The following ANKRD12 variants were observed in gnomAD, a reference collection of about 807,000 sequenced individuals.
ANKRD12 encodes ankyrin repeat domain-containing protein 12.
ANKRD12 carries 85 observed loss-of-function variants against 183.4 expected under a neutral mutation model. The observed-to-expected ratio is 0.46, with a 90% confidence interval of 0.39 to 0.56. The LOEUF (loss-of-function observed/expected upper bound fraction) is 0.56. ANKRD12 is among the 20% of genes least tolerant of loss of function. The pLI is 0.00. For synonymous variants in ANKRD12, 914 were observed against 800.2 expected (o/e 1.14, Z -2.40); for missense variants, 2,405 against 2,357.1 (o/e 1.02, Z -0.42).
intron 8 of ANKRD12, among the ~76,000 whole-genome samples, chr18:9,222,985 A>AGATGAT (rs2036505253): frequency 6.6e-6 from 1 of 152,266 alleles, no homozygotes; most frequent in Non-Finnish European, 1.5e-5. Flanking sequence ...AGATGATTAA[A>AGATGAT]TAACTGTGGT....
intron 1 of ANKRD12, among the ~76,000 whole-genome samples, chr18:9,170,043 C>T (rs1461718221): frequency 1.3e-5 from 2 of 152,208 alleles, no homozygotes; most frequent in African/African-American, 2.4e-5. Flanking sequence ...TATTGGTCCC[C>T]ACTCTCTTCC....
intron 2 of ANKRD12, among the ~76,000 whole-genome samples, chr18:9,190,589 A>G (rs2034390621): frequency 6.6e-6 from 1 of 152,184 alleles, no homozygotes; most frequent in South Asian, 2.1e-4. Flanking sequence ...GAGAAAGTCA[A>G]TTCACATGGC....
At chr18:9,167,768 G>T (rs954832160) in intron 1 of ANKRD12, among the ~76,000 whole-genome samples, 2 of 152,206 alleles carry the variant, frequency 1.3e-5, no homozygotes, top group Non-Finnish European at 2.9e-5. Flanking sequence ...AATAGGAGTG[G>T]TGAGGGAGGG....
At position 9,263,238 on chromosome 18, in the gene ANKRD12, A is replaced by G. The variant is rs527905376; in HGVS notation, c.5665-552A>G. ...TACAATATCAAATTAGAGATGAACC[A>G]GAAGCTTTTTGGAGTATGGATAGAC... On this transcript the variant is annotated intron_variant, in intron 9 of 12. Coordinates refer to ENST00000262126, the MANE Select transcript of ANKRD12 (RefSeq NM_015208.5). Among the ~76,000 whole-genome samples the G allele has an allele frequency of 1.7e-4, 26 of 152,322 alleles. No homozygotes were observed. The South Asian group carries it at 5.4e-3, about 32-fold the overall frequency.
chr18:9,253,154 AAAACCAAGGTAATTGGTTT>A (rs1354264756), intron 8 of ANKRD12, among the ~76,000 whole-genome samples: 3 of 152,286 alleles, frequency 2.0e-5, no homozygotes, highest in South Asian at 2.1e-4. Flanking sequence ...CAATGTGTAA[AAAACCAAGGTAATTGGTTT>A]ACCTCAAGCA....
At position 9,285,660 on chromosome 18, in the gene ANKRD12, A is replaced by C. The variant is rs1285967857; in HGVS notation, c.*4534A>C. The C allele has an allele frequency of 2.0e-5, 3 of 152,136 alleles. No individual in the cohort carries two copies. 9.4% of individuals were successfully genotyped at this position (152,136 alleles called of 1,614,324 possible). A position where few individuals can be genotyped will look rare whatever the true frequency, so the allele number is the denominator to read the frequency against. On this transcript the variant is annotated 3_prime_UTR_variant, in exon 13 of 13. Coordinates refer to ENST00000262126, the MANE Select transcript of ANKRD12 (RefSeq NM_015208.5). ...ATCACCCAAATTAAGATATTGTAAA[A>C]CATTTTCATTACTCTAGAAAGTTCA...
chr18:9,277,421 T>A (rs983252383), intron 11 of ANKRD12, among the ~76,000 whole-genome samples: 1 of 148,330 alleles, frequency 6.7e-6, no homozygotes, highest in Non-Finnish European at 1.5e-5. Flanking sequence ...TCTGCCTCCC[T>A]GGTTCATGCC....
In ANKRD12 at chr18:9,186,136, G is replaced by GTTTTTTTTTTTTTTTTTTT. The variant is rs1280812557; in HGVS notation, c.87+3617_87+3618insTTTTTTTTTTTTTTTTTTT. ...CTGAATATTGCCCTCCTAAAAGTGT[G>GTTTTTTTTTTTTTTTTTTT]ATTTTTTTTTTTTTTTTTTTTTGAG... On this transcript the variant is annotated intron_variant, in intron 2 of 12. Transcript: ENST00000262126. Among the ~76,000 whole-genome samples the GTTTTTTTTTTTTTTTTTTT allele has an allele frequency of 2.0e-4, 29 of 141,932 alleles. 1 individual carries two copies. Among genetic ancestry groups the GTTTTTTTTTTTTTTTTTTT allele is most frequent in the South Asian group, 4.4e-4 (2 of 4,544 alleles). 93.1% of individuals were successfully genotyped at this position (141,932 alleles called of 152,430 possible).
At chr18:9,269,725 C>T (rs2039494002) in intron 10 of ANKRD12, among the ~76,000 whole-genome samples, 1 of 152,192 alleles carries the variant, frequency 6.6e-6, no homozygotes, top group Non-Finnish European at 1.5e-5. Flanking sequence ...GACTTCATGG[C>T]TGAAACACCA....
chr18:9,257,134 T>A lies in ANKRD12; in HGVS notation c.3867T>A (p.Ser1289=). Residue 1289 remains serine, a synonymous_variant, in exon 9 of 13, where the codon TCT becomes TCA. Coordinates refer to ENST00000262126, the MANE Select transcript of ANKRD12 (RefSeq NM_015208.5). ...NRLSTSHLRS[S]SVEDVKLIIS... The stretch of plus-strand genomic sequence containing the variant: ...TTTCAACATCCCATCTTAGGTCATC[T>A]TCTGTAGAAGATGTTAAACTAATTA... 1.9e-6 allele frequency: 3 copies of A among 1,614,182 alleles called. No individual in the cohort carries two copies. Among genetic ancestry groups the A allele is most frequent in the Non-Finnish European group, 2.5e-6 (3 of 1,180,006 alleles).
rs1411566841 is a variant in ANKRD12, at chr18:9,285,576, A to G, written c.*4450A>G. ...GTTATAGTCTGTATTCAATAAAATT[A>G]CCCAGATCTTAACTAGGCAGTTTGA... On this transcript the variant is annotated 3_prime_UTR_variant, in exon 13 of 13. Transcript: ENST00000262126. The G allele has an allele frequency of 6.6e-6, 1 of 152,168 alleles. No homozygotes were observed. Among genetic ancestry groups the G allele is most frequent in the African/African-American group, 2.4e-5 (1 of 41,444 alleles). 9.4% of individuals were successfully genotyped at this position (152,168 alleles called of 1,614,324 possible).
chr18:9,254,110 A>G, intron 8 of ANKRD12, 101 bp from the exon 9 acceptor site: 5 of 1,234,476 alleles, frequency 4.1e-6, no homozygotes, highest in Non-Finnish European at 5.2e-6. Flanking sequence ...TGTTTGAAAT[A>G]TGTATTGTAT....
At chr18:9,263,964 T>A in intron 10 of ANKRD12, 76 bp downstream of exon 10, 2 of 1,133,484 alleles carry the variant, frequency 1.8e-6, no homozygotes, top group Non-Finnish European at 2.4e-6. Context: ...CCTATAATTT[T>A]TTATTAGTGG....
chr18:9,239,968 C>T (rs921050126), intron 8 of ANKRD12, among the ~76,000 whole-genome samples: 2 of 152,154 alleles, frequency 1.3e-5, no homozygotes, highest in Non-Finnish European at 2.9e-5. Flanking sequence ...TACCAGCCCT[C>T]AAGATAAGGA....
intron 11 of ANKRD12, among the ~76,000 whole-genome samples, chr18:9,278,062 C>T (rs1478275185): frequency 6.6e-6 from 1 of 152,184 alleles, no homozygotes; most frequent in Middle Eastern, 3.2e-3. Context: ...GCATTGTGCA[C>T]ACATTACCTG....
chr18:9,171,108 C>T (rs759741371), intron 1 of ANKRD12, among the ~76,000 whole-genome samples: 2 of 152,112 alleles, frequency 1.3e-5, no homozygotes, highest in South Asian at 2.1e-4. Context: ...GGTGTCAGTC[C>T]GCCCCTACTG....
At chr18:9,252,034 A>G (rs1160592500) in intron 8 of ANKRD12, among the ~76,000 whole-genome samples, 1 of 152,198 alleles carries the variant, frequency 6.6e-6, no homozygotes, top group Non-Finnish European at 1.5e-5. Context: ...AAAAATTGGA[A>G]AAATAGAAAA....
chr18:9,138,081 G>T (rs2078184170), intron 1 of ANKRD12, among the ~76,000 whole-genome samples: 1 of 152,202 alleles, frequency 6.6e-6, no homozygotes, highest in Non-Finnish European at 1.5e-5. Context: ...TAATGGTTCG[G>T]AATTACCTCT....
At chr18:9,207,117 T>C (rs1272015245) in intron 4 of ANKRD12, among the ~76,000 whole-genome samples, 2 of 152,076 alleles carry the variant, frequency 1.3e-5, no homozygotes, top group African/African-American at 2.4e-5. Context: ...TAGTTGCTTA[T>C]TAAATACTAG....
Sources: allele counts gnomAD v4.1 joint callset (sites outside exome capture counted in the v4.1 genomes callset), GRCh38; gene constraint gnomAD v4.1.1; transcripts MANE v1.5; gene names NCBI Gene and HGNC (gene_info 2026-07-23, HGNC 2026-07-21).